HTR1F: variants seen among roughly 807,000 people sequenced by gnomAD.
The protein encoded by HTR1F is 5-hydroxytryptamine (serotonin) receptor 1F, G protein-coupled.
A neutral mutation model predicts 24.0 loss-of-function variants in HTR1F; 17 were observed. The observed-to-expected ratio is 0.71, with a 90% CI of 0.48 to 1.06. The LOEUF is 1.06. Among genes scored for constraint, HTR1F ranks in the 50% least tolerant of loss-of-function variants. HTR1F has a pLI of 0.00. For missense variants in HTR1F, 391 were observed against 427.8 expected (o/e 0.91, Z 0.76); for synonymous variants, 186 against 156.8 (o/e 1.19, Z -1.39).
At chr3:87,896,771 A>G (rs1245689071) in intron 2 of HTR1F, among the ~76,000 whole-genome samples, 5 of 152,318 alleles carry the variant, frequency 3.3e-5, no homozygotes, top group Non-Finnish European at 7.3e-5. Flanking sequence ...GGACTTAAAC[A>G]GACATTTCTC....
chr3:87,937,973 C>T (rs1704468936), intron 2 of HTR1F, among the ~76,000 whole-genome samples: 1 of 150,672 alleles, frequency 6.6e-6, no homozygotes, highest in Non-Finnish European at 1.5e-5. Flanking sequence ...TAGAAGGCAT[C>T]AAATAGGAAG....
chr3:87,905,357 AG>A (rs1349740230), intron 2 of HTR1F, among the ~76,000 whole-genome samples: 1 of 151,918 alleles, frequency 6.6e-6, no homozygotes, highest in Non-Finnish European at 1.5e-5. Flanking sequence ...ACCAAGAAAA[AG>A]AAATTGGTGC....
intron 1 of HTR1F, among the ~76,000 whole-genome samples, chr3:87,805,756 C>T (rs1704063478): frequency 6.6e-6 from 1 of 151,940 alleles, no homozygotes; most frequent in South Asian, 2.1e-4. Context: ...CACACGTTTA[C>T]CCGTGTAACA....
At position 87,865,440 on chromosome 3, in the gene HTR1F, C is replaced by T. The variant is rs771898402; in HGVS notation, c.-43+43316C>T. Among the ~76,000 whole-genome samples, 12 of 152,030 alleles carry T rather than the reference C, an allele frequency of 7.9e-5. No individual in the cohort carries two copies. The Middle Eastern group carries it at 0.017, about 215-fold the overall frequency. On this transcript the variant is annotated intron_variant, in intron 2 of 2. Coordinates refer to ENST00000319595, the MANE Select transcript of HTR1F (RefSeq NM_001322209.2). ...GGAAATAGAATATTATCAGTGCCACCGACAATCACCTTATGCCATCTCCCA... is the reference window on the plus strand; with the variant it reads ...GGAAATAGAATATTATCAGTGCCACTGACAATCACCTTATGCCATCTCCCA...
chr3:87,872,521 C>A (rs1183675882), intron 2 of HTR1F, among the ~76,000 whole-genome samples: 2 of 151,792 alleles, frequency 1.3e-5, no homozygotes, highest in Non-Finnish European at 2.9e-5. Flanking sequence ...ATTTGGCAAA[C>A]CCTTAACTTG....
intron 2 of HTR1F, among the ~76,000 whole-genome samples, chr3:87,898,514 G>C (rs1706251002): frequency 6.6e-6 from 1 of 152,022 alleles, no homozygotes; most frequent in Non-Finnish European, 1.5e-5. Context: ...CTATTAATAA[G>C]ATAAAGGTAT....
At chr3:87,965,776 T>C (rs1282679853) in intron 2 of HTR1F, among the ~76,000 whole-genome samples, 2 of 152,050 alleles carry the variant, frequency 1.3e-5, no homozygotes, top group Non-Finnish European at 2.9e-5. Flanking sequence ...TAGCAAGGAG[T>C]ACTAAGGCAA....
intron 2 of HTR1F, among the ~76,000 whole-genome samples, chr3:87,909,170 C>T (rs1306375584): frequency 6.6e-6 from 1 of 151,876 alleles, no homozygotes; most frequent in Non-Finnish European, 1.5e-5. Flanking sequence ...CCCATTCTTC[C>T]CCTGCTGTGC....
intron 2 of HTR1F, among the ~76,000 whole-genome samples, chr3:87,824,185 T>C (rs966741922): frequency 6.6e-6 from 1 of 152,194 alleles, no homozygotes; most frequent in African/African-American, 2.4e-5. Context: ...AATAGATATG[T>C]ACTAAATTAA....
chr3:87,916,276 T>A (rs1703889611), intron 2 of HTR1F, among the ~76,000 whole-genome samples: 1 of 82,832 alleles, frequency 1.2e-5, no homozygotes. Flanking sequence ...ACACAGGACC[T>A]ATAAAACAAA....
chr3:87,840,989 A>C (rs1429181241), intron 2 of HTR1F, among the ~76,000 whole-genome samples: 3 of 152,008 alleles, frequency 2.0e-5, no homozygotes, highest in Non-Finnish European at 2.9e-5. Flanking sequence ...ACTGTTAGAT[A>C]AGAGACACAG....
At chr3:87,812,289 G>A (rs995420413) in intron 1 of HTR1F, among the ~76,000 whole-genome samples, 3 of 152,172 alleles carry the variant, frequency 2.0e-5, no homozygotes, top group Non-Finnish European at 4.4e-5. Context: ...TTATTTAATG[G>A]TTTTGACCAA....
chr3:87,894,772 G>T (rs1318512864), intron 2 of HTR1F, among the ~76,000 whole-genome samples: 1 of 151,748 alleles, frequency 6.6e-6, no homozygotes, highest in African/African-American at 2.4e-5. Context: ...TGTAAAATGG[G>T]GATAAAATAA....
At chr3:87,932,365 C>T (rs1041226010) in intron 2 of HTR1F, among the ~76,000 whole-genome samples, 7 of 151,916 alleles carry the variant, frequency 4.6e-5, no homozygotes, top group African/African-American at 1.2e-4. Flanking sequence ...AGATATGCAG[C>T]GTTATTTCTG....
intron 2 of HTR1F, among the ~76,000 whole-genome samples, chr3:87,935,824 AT>A (rs1299554016): frequency 3.3e-5 from 5 of 152,138 alleles, no homozygotes; most frequent in African/African-American, 1.2e-4. Context: ...GAAAAAAAAA[AT>A]TTGGCTTAAT....
intron 2 of HTR1F, among the ~76,000 whole-genome samples, chr3:87,823,814 C>T (rs533144098): frequency 2.0e-5 from 3 of 152,190 alleles, no homozygotes; most frequent in East Asian, 1.9e-4. Context: ...AACTTCAGCA[C>T]TTTTGGGAGG....
chr3:87,823,152 A>G (rs1704392223), intron 2 of HTR1F, among the ~76,000 whole-genome samples: 1 of 152,200 alleles, frequency 6.6e-6, no homozygotes, highest in Non-Finnish European at 1.5e-5. Context: ...CAAAGCTAAA[A>G]GTATATATTT....
chr3:87,932,626 A>G (rs577947015), intron 2 of HTR1F, among the ~76,000 whole-genome samples: 7 of 152,200 alleles, frequency 4.6e-5, no homozygotes, highest in African/African-American at 1.7e-4. Context: ...ATTCCTCAAC[A>G]CATACACTCT....
intron 2 of HTR1F, among the ~76,000 whole-genome samples, chr3:87,887,949 C>T (rs952623156): frequency 6.6e-6 from 1 of 152,090 alleles, no homozygotes; most frequent in East Asian, 1.9e-4. Flanking sequence ...TACCATTTGA[C>T]CCAGCAATCC....
Sources: gnomAD v4.1 joint callset for allele counts (sites outside exome capture counted in the v4.1 genomes callset) on GRCh38, gnomAD v4.1.1 for gene constraint, MANE v1.5 for transcripts, NCBI Gene and HGNC (gene_info 2026-07-23, HGNC 2026-07-21) for gene names.